CDKAL1: variants seen among roughly 807,000 people sequenced by gnomAD.
The protein encoded by CDKAL1 is threonylcarbamoyladenosine tRNA methylthiotransferase.
A neutral mutation model predicts 68.2 loss-of-function variants in CDKAL1; 32 were observed. The observed-to-expected ratio is 0.47, with a 90% CI of 0.35 to 0.63. CDKAL1 has a LOEUF of 0.63. CDKAL1 is among the 30% of genes least tolerant of loss of function. CDKAL1 has a pLI of 0.00. For missense variants in CDKAL1, 606 were observed against 696.7 expected, an observed-to-expected ratio of 0.87 and a Z score of 1.47; for synonymous variants, 234 against 244.3, an observed-to-expected ratio of 0.96 and a Z score of 0.39.
intron 12 of CDKAL1, among the ~76,000 whole-genome samples, chr6:21,066,758 A>C (rs941829492): frequency 3.3e-5 from 5 of 152,100 alleles, no homozygotes; most frequent in African/African-American, 9.7e-5. Context: ...AGTAGCTGGG[A>C]CTACAGGTGG....
intron 5 of CDKAL1, among the ~76,000 whole-genome samples, chr6:20,684,845 C>G (rs1256401807): frequency 6.6e-6 from 1 of 152,206 alleles, no homozygotes; most frequent in East Asian, 1.9e-4. Context: ...AGGGCTTTAC[C>G]CCATTTTTTA....
At chr6:21,201,703 T>C (rs950572654) in intron 15 of CDKAL1, among the ~76,000 whole-genome samples, 4 of 152,176 alleles carry the variant, frequency 2.6e-5, no homozygotes, top group African/African-American at 9.7e-5. Context: ...ATATATGCAG[T>C]TATGGTGCCT....
At chr6:20,898,140 G>A (rs1761789265) in intron 9 of CDKAL1, among the ~76,000 whole-genome samples, 2 of 151,882 alleles carry the variant, frequency 1.3e-5, no homozygotes, top group Admixed American at 6.6e-5. Flanking sequence ...TCTGTAATGT[G>A]GGACTTCTTG....
chr6:21,198,033 CA>C lies in CDKAL1; in HGVS notation c.1314del (p.Gln438HisfsTer4), dbSNP rs778662861. The C allele has an allele frequency of 6.2e-7, 1 of 1,601,098 alleles. No individual in the cohort carries two copies. Among genetic ancestry groups the C allele is most frequent in the South Asian group, 1.1e-5 (1 of 88,434 alleles). On this transcript the variant is annotated frameshift_variant, in exon 14 of 16. Coordinates refer to ENST00000274695, the MANE Select transcript of CDKAL1 (RefSeq NM_017774.3). LOFTEE classifies it high-confidence loss of function. ...CTTCTCTCCACAGATTGGTGAAAGA[CA>C]ACAAGTGTTAGTAACAGAAGAATCT... The part of the protein sequence containing the change: ...SPYDHKIGER[Q>X]QVLVTEESFD...
Position 20,696,490 on chromosome 6 carries a change from G to A in CDKAL1, c.372-43029G>A, listed in dbSNP as rs147109569. 9.2e-3 allele frequency among the ~76,000 whole-genome samples: 1,394 copies of A among 152,242 alleles called. 28 individuals are homozygous for A. Among genetic ancestry groups the A allele is most frequent in the African/African-American group, 0.031 (1,285 of 41,538 alleles). On this transcript the variant is annotated intron_variant, in intron 5 of 15. Transcript: ENST00000274695. Reference sequence around the variant, plus strand: ...CAGTTAGCAAAGACAATTTCCTTTGGTTGTGTAAAACTAGAATACAGACTT... The same window carrying A: ...CAGTTAGCAAAGACAATTTCCTTTGATTGTGTAAAACTAGAATACAGACTT...
chr6:20,579,764 G>C (rs149452744), intron 4 of CDKAL1, among the ~76,000 whole-genome samples: 1 of 152,306 alleles, frequency 6.6e-6, no homozygotes, highest in Non-Finnish European at 1.5e-5. Flanking sequence ...ATTCGTCCTT[G>C]ATCCTAGGGA....
intron 13 of CDKAL1, among the ~76,000 whole-genome samples, chr6:21,176,696 G>T (rs6939148): frequency 0.3 from 29,616 of 99,710 alleles, 4,525 homozygotes; most frequent in African/African-American, 0.41. Context: ...TTTTTTTTTT[G>T]TTTTTTTTTT....
intron 8 of CDKAL1, among the ~76,000 whole-genome samples, chr6:20,845,494 A>T (rs760940855): frequency 6.6e-6 from 1 of 151,984 alleles, no homozygotes; most frequent in Admixed American, 6.6e-5. Context: ...ACTTTGATTA[A>T]TGTAGTCTCA....
At chr6:20,798,919 A>C (rs1027966007) in intron 8 of CDKAL1, among the ~76,000 whole-genome samples, 2 of 48,934 alleles carry the variant, frequency 4.1e-5, no homozygotes, top group Non-Finnish European at 8.5e-5. Context: ...TAATAATACA[A>C]AAAAAAAAAA....
chr6:21,192,273 G>A (rs995739638), intron 13 of CDKAL1, among the ~76,000 whole-genome samples: 4 of 149,318 alleles, frequency 2.7e-5, no homozygotes, highest in African/African-American at 4.9e-5. Context: ...CACCCGCCTC[G>A]GCCTCCCAAA....
chr6:21,214,787 T>C (rs928046591), intron 15 of CDKAL1, among the ~76,000 whole-genome samples: 1 of 152,188 alleles, frequency 6.6e-6, no homozygotes, highest in Non-Finnish European at 1.5e-5. Context: ...GCCCCATGAA[T>C]GCTGAGACTT....
chr6:21,008,497 T>G (rs1767847333), intron 11 of CDKAL1, among the ~76,000 whole-genome samples: 1 of 152,092 alleles, frequency 6.6e-6, no homozygotes, highest in African/African-American at 2.4e-5. Flanking sequence ...AAGGGCCAAG[T>G]GTTATTGAGA....
intron 13 of CDKAL1, among the ~76,000 whole-genome samples, chr6:21,146,302 T>C (rs2151042171): frequency 6.6e-6 from 1 of 152,296 alleles, no homozygotes; most frequent in South Asian, 2.1e-4. Flanking sequence ...ACGACTAATG[T>C]CTTCGTGGAG....
intron 13 of CDKAL1, among the ~76,000 whole-genome samples, chr6:21,134,452 T>C (rs893863303): frequency 1.6e-4 from 24 of 152,218 alleles, no homozygotes; most frequent in Non-Finnish European, 4.4e-5. Flanking sequence ...AATTATGTTT[T>C]GTCATAAAAG....
intron 8 of CDKAL1, among the ~76,000 whole-genome samples, chr6:20,793,220 C>T (rs926354738): frequency 1.3e-5 from 2 of 152,104 alleles, no homozygotes; most frequent in Admixed American, 1.3e-4. Context: ...TTGTTAAAGC[C>T]CCTTTCTGTC....
chr6:21,154,880 C>T (rs1776572297), intron 13 of CDKAL1, among the ~76,000 whole-genome samples: 1 of 152,072 alleles, frequency 6.6e-6, no homozygotes, highest in Non-Finnish European at 1.5e-5. Flanking sequence ...GTAATGCCAG[C>T]TACTCAGGAG....
intron 8 of CDKAL1, among the ~76,000 whole-genome samples, chr6:20,823,792 G>T (rs138814251): frequency 3.3e-4 from 50 of 152,224 alleles, no homozygotes; most frequent in Admixed American, 3.1e-3. Flanking sequence ...CATTTTCAGC[G>T]ATTGAGAATT....
At chr6:20,704,575 G>C (rs558748586) in intron 5 of CDKAL1, among the ~76,000 whole-genome samples, 1 of 152,226 alleles carries the variant, frequency 6.6e-6, no homozygotes, top group East Asian at 1.9e-4. Flanking sequence ...TAGGAGATGA[G>C]TTTATTTTCT....
rs1234095103 is a variant in CDKAL1 at position 21,230,828 on chromosome 6, C to T, written c.1549-20C>T. 1.3e-6 allele frequency: 2 copies of T among 1,550,266 alleles called. No individual in the cohort carries two copies. Among genetic ancestry groups the T allele is most frequent in the Non-Finnish European group, 1.7e-6 (2 of 1,143,396 alleles). ...CTCTGCATCTAAAAATAATTTTTTC[C>T]TCTGTTTCTCTCTTTATAGGACTTC... On this transcript the variant is annotated intron_variant, in intron 15 of 15. Coordinates refer to ENST00000274695, the MANE Select transcript of CDKAL1 (RefSeq NM_017774.3).
Sources: allele counts gnomAD v4.1 joint callset (sites outside exome capture counted in the v4.1 genomes callset), GRCh38; gene constraint gnomAD v4.1.1; transcripts MANE v1.5; gene names NCBI Gene and HGNC (gene_info 2026-07-23, HGNC 2026-07-21).